MIA2: variants seen among roughly 807,000 people sequenced by gnomAD.
MIA2 encodes the protein melanoma inhibitory activity protein 2.
A neutral mutation model predicts 167.8 loss-of-function variants in MIA2; 127 were observed. That is an observed-to-expected ratio of 0.76 (90% CI 0.66 to 0.88). The LOEUF (loss-of-function observed/expected upper bound fraction) is 0.88, where lower values mean the gene tolerates loss of function less well. Ranked by LOEUF, MIA2 falls within the 40% of genes least tolerant of loss-of-function variation. The probability of loss-of-function intolerance (pLI) is 0.00; values close to 1 mark genes in which losing one functional copy is unlikely to be tolerated. For missense variants in MIA2, 1,690 were observed against 1,624.7 expected (o/e 1.04, Z -0.69); for synonymous variants, 552 against 541.9 (o/e 1.02, Z -0.26).
exon 24 of MIA2, chr14:39,386,904 G>T: frequency 1.3e-6 from 1 of 788,764 alleles, no homozygotes; most frequent in South Asian, 1.4e-5. Context: ...CTCCGCCCGG[G>T]GCAGGAGCCC....
At chr14:39,329,826 A>G (rs1271356573) in intron 25 of MIA2, among the ~76,000 whole-genome samples, 1 of 152,064 alleles carries the variant, frequency 6.6e-6, no homozygotes. Context: ...AGCCAACTTG[A>G]TCGTGGTGGG....
At chr14:39,256,071 T>G (rs777092467) in intron 6 of MIA2, among the ~76,000 whole-genome samples, 32 of 152,164 alleles carry the variant, frequency 2.1e-4, no homozygotes, top group Non-Finnish European at 3.1e-4. Flanking sequence ...AAATCTGAAT[T>G]TCTGGGTTCT....
At position 39,346,122 on chromosome 14, in the gene MIA2, G is replaced by C; in HGVS notation, c.3778+96G>C. The stretch of plus-strand genomic sequence containing the variant: ...AAGACCAATATAATTGCTATCTCTA[G>C]TAGTTCCTAAGGCCAAAATCTCTTT... On this transcript the variant is annotated intron_variant, in intron 26 of 28. Coordinates refer to ENST00000640607, the MANE Select transcript of MIA2 (RefSeq NM_001329214.4). The C allele has an allele frequency of 1.0e-5, 11 of 1,054,948 alleles. No individual in the cohort carries two copies. In the South Asian group the frequency reaches 1.5e-4, roughly 14 times the overall value. 65.3% of individuals were successfully genotyped at this position (1,054,948 alleles called of 1,614,324 possible).
intron 25 of MIA2, among the ~76,000 whole-genome samples, chr14:39,340,762 A>G (rs544623650): frequency 1.8e-4 from 28 of 152,318 alleles, no homozygotes; most frequent in African/African-American, 5.1e-4. Context: ...GAATATATAT[A>G]TCTTAATCAC....
chr14:39,373,014 G>C (rs1262280757), intron 23 of MIA2, among the ~76,000 whole-genome samples: 2 of 152,184 alleles, frequency 1.3e-5, no homozygotes, highest in Non-Finnish European at 2.9e-5. Flanking sequence ...CCCCAAGACA[G>C]AAGAGTTAGA....
chr14:39,268,185 CAT>C lies in MIA2; in HGVS notation c.1888-8748_1888-8747del, dbSNP rs1470263026. Among the ~76,000 whole-genome samples, 3 of 152,106 alleles carry C rather than the reference CAT, an allele frequency of 2.0e-5. No individual in the cohort carries two copies. The East Asian group carries it at 5.8e-4, about 29-fold the overall frequency. ...AAGTGTTTCTAGGTATCTTTGTTGA[CAT>C]GTGTAGGGGCATTTATGTCGCCGTG... On this transcript the variant is annotated intron_variant, in intron 6 of 28. Coordinates refer to ENST00000640607, the MANE Select transcript of MIA2 (RefSeq NM_001329214.4).
chr14:39,325,700 T>TTGAATA (rs1361238517), intron 24 of MIA2, among the ~76,000 whole-genome samples: 2 of 150,722 alleles, frequency 1.3e-5, no homozygotes, highest in East Asian at 3.9e-4. Flanking sequence ...TCCATTTTAG[T>TTGAATA]TGAATATGGG....
At chr14:39,345,737 A>G (rs1260672268) in intron 25 of MIA2, among the ~76,000 whole-genome samples, 167 bp from the exon 26 acceptor site, 2 of 152,222 alleles carry the variant, frequency 1.3e-5, no homozygotes, top group African/African-American at 2.4e-5. Flanking sequence ...GTTATTGCCT[A>G]TAGTAAAATA....
At chr14:39,294,845 T>C in intron 12 of MIA2, 80 bp from the exon 13 acceptor site, 2 of 920,342 alleles carry the variant, frequency 2.2e-6, no homozygotes, top group East Asian at 2.4e-5. Flanking sequence ...TGTTTAATTC[T>C]GTGTTCTAGG....
downstream of MIA2, among the ~76,000 whole-genome samples, chr14:39,353,725 C>G (rs2074451074): frequency 6.6e-6 from 1 of 152,178 alleles, no homozygotes; most frequent in South Asian, 2.1e-4. Context: ...TCCCCTGACC[C>G]TATAACAGGC....
chr14:39,252,852 A>G lies in MIA2; in HGVS notation c.1672A>G (p.Thr558Ala). 6.2e-7 allele frequency: 1 copy of G among 1,614,028 alleles called. No homozygotes were observed. The highest frequency in any genetic ancestry group is 1.1e-5 in the South Asian group (1 of 91,074). Residue 558 changes from threonine to alanine, a missense_variant, in exon 5 of 29, where the codon ACC becomes GCC. Physicochemically the swap from Thr to Ala is moderately conservative, Grantham distance 58. Coordinates refer to ENST00000640607, the MANE Select transcript of MIA2 (RefSeq NM_001329214.4). ...TGAAAATTCGAAACCATCAGTAGAC[A>G]CCGAAGGGCCTGCTCTGGTGGAGAT... ...SDENSKPSVD[T>A]EGPALVEIDR...
intron 4 of MIA2, 123 bp downstream of exon 4, chr14:39,248,264 C>G: frequency 1.4e-6 from 1 of 704,676 alleles, no homozygotes. Flanking sequence ...GCTCTTTCAT[C>G]AATTTCCAGT....
chr14:39,273,747 G>C (rs2057521552), intron 6 of MIA2, among the ~76,000 whole-genome samples: 1 of 152,048 alleles, frequency 6.6e-6, no homozygotes. Flanking sequence ...ATTTTTTTGA[G>C]GATTTTTGCA....
chr14:39,368,126 TGAGA>T (rs1394725509), intron 23 of MIA2, among the ~76,000 whole-genome samples: 1 of 152,168 alleles, frequency 6.6e-6, no homozygotes, highest in Non-Finnish European at 1.5e-5. Context: ...TAAGGTTCTC[TGAGA>T]AAGATTCCAA....
rs2058230998 is a variant in MIA2, at chr14:39,277,682, ATATATGTG to A, written c.2019+619_2019+626del. On this transcript the variant is annotated intron_variant, in intron 7 of 28. Transcript: ENST00000640607. ...TTAATGTAAGATCTTTTATATATAT[ATATATGTG>A]TGTATATATATATATATATATATAT... Among the ~76,000 whole-genome samples, 2 of 10,612 alleles carry A rather than the reference ATATATGTG, an allele frequency of 1.9e-4. 1 individual carries two copies. Among genetic ancestry groups the A allele is most frequent in the South Asian group, 3.6e-3 (2 of 548 alleles). The allele number at this position is 10,612 out of a possible 152,430, so 7.0% of individuals were successfully genotyped here.
At chr14:39,276,790 C>A in intron 6 of MIA2, 144 bp from the exon 7 acceptor site, 1 of 806,348 alleles carries the variant, frequency 1.2e-6, no homozygotes, top group Non-Finnish European at 1.9e-6. Context: ...TGAAAGTTGA[C>A]AAAAAAATGT....
intron 26 of MIA2, 111 bp downstream of exon 26, chr14:39,346,137 A>C: frequency 1.2e-6 from 1 of 822,414 alleles, no homozygotes; most frequent in Non-Finnish European, 2.0e-6. Context: ...TCCTAAGGCC[A>C]AAATCTCTTT....
chr14:39,253,243 T>A (rs1594689944), intron 6 of MIA2, 72 bp downstream of exon 6: 1 of 1,567,438 alleles, frequency 6.4e-7, no homozygotes, highest in East Asian at 2.2e-5. Flanking sequence ...CTACAAAATA[T>A]GTTTGAATGA....
intron 1 of MIA2, among the ~76,000 whole-genome samples, chr14:39,236,051 C>T (rs1198457746): frequency 1.3e-5 from 2 of 151,954 alleles, no homozygotes; most frequent in African/African-American, 4.8e-5. Context: ...GTTATTGAGG[C>T]CTACTACACG....
Sources: allele counts gnomAD v4.1 joint callset (sites outside exome capture counted in the v4.1 genomes callset), GRCh38; gene constraint gnomAD v4.1.1; transcripts MANE v1.5; gene names NCBI Gene and HGNC (gene_info 2026-07-23, HGNC 2026-07-21).